CD83: variants seen among roughly 807,000 people sequenced by gnomAD.
CD83 encodes the protein CD83 molecule.
In CD83, 22 loss-of-function variants were observed where a neutral mutation model predicts 24.6. The observed-to-expected ratio is 0.90, with a 90% CI of 0.64 to 1.28. The LOEUF (loss-of-function observed/expected upper bound fraction) is 1.28, where lower values mean the gene tolerates loss of function less well. Ranked by LOEUF, CD83 falls within the 50% of genes most tolerant of loss-of-function variation. The probability of loss-of-function intolerance (pLI) is 0.00; values close to 1 mark genes in which losing one functional copy is unlikely to be tolerated. For missense variants in CD83, 253 were observed against 252.8 expected (o/e 1.00, Z -0.01); for synonymous variants, 101 against 103.5 (o/e 0.98, Z 0.14).
upstream of CD83, chr6:14,117,731 C>T (rs1165855567): frequency 9.4e-5 from 101 of 1,073,884 alleles, no homozygotes; most frequent in Non-Finnish European, 1.2e-4. The surrounding 1 kb of genome is among the most constrained non-coding windows in gnomAD (Gnocchi z 4.6). Context: ...GGGAAGTTCC[C>T]GAACGCGCGG....
At position 14,117,816 on chromosome 6, in the gene CD83, C is replaced by T. The variant is rs199812564; in HGVS notation, c.5C>T (p.Ser2Leu). The change falls in exon 1 of 5, where the codon TCG (serine) becomes TTG (leucine). Residue 2 changes from serine (S) to leucine (L), a missense_variant. Coordinates refer to ENST00000379153, the MANE Select transcript of CD83 (RefSeq NM_004233.4). The surrounding 1 kb of genome is among the most constrained non-coding windows in gnomAD (Gnocchi z 4.6). M[S>L]RGLQLLLLSC... is the part of the protein sequence containing the mutation. ...CAGCGGCGCAGCGCTCCAGCCATGTCGCGCGGCCTCCAGCTTCTGCTCCTG... is the reference window on the plus strand; with the variant it reads ...CAGCGGCGCAGCGCTCCAGCCATGTTGCGCGGCCTCCAGCTTCTGCTCCTG... The T allele has an allele frequency of 2.6e-5, 40 of 1,560,628 alleles. No homozygotes were observed. The African/African-American group carries it at 3.5e-4, about 14-fold the overall frequency.
rs58361945 is a variant in CD83, at chr6:14,129,833, C to CTG, written c.154-1657_154-1656dup. ...GAATTAATAAATGAAGCAGAAATGA[C>CTG]TGTGTGTGTGTGTGTGTGTGTGTGT... On this transcript the variant is annotated intron_variant, in intron 2 of 4. Coordinates refer to ENST00000379153, the MANE Select transcript of CD83 (RefSeq NM_004233.4). The surrounding 1 kb of genome is among the most constrained non-coding windows in gnomAD (Gnocchi z 4.3). 0.26 allele frequency among the ~76,000 whole-genome samples: 38,306 copies of CTG among 147,624 alleles called. 5,547 individuals carry two copies. Among genetic ancestry groups the CTG allele is most frequent in the Non-Finnish European group, 0.35 (23,347 of 66,508 alleles).
intron 2 of CD83, among the ~76,000 whole-genome samples, chr6:14,119,102 A>G (rs2113384357): frequency 6.6e-6 from 1 of 152,258 alleles, no homozygotes; most frequent in South Asian, 2.1e-4. Flanking sequence ...GTGTCTCCTA[A>G]CTGGATGGTC....
intron 2 of CD83, among the ~76,000 whole-genome samples, chr6:14,125,589 C>T (rs1424490798): frequency 6.6e-6 from 1 of 152,164 alleles, no homozygotes; most frequent in African/African-American, 2.4e-5. Context: ...GGTACCAGGC[C>T]TGAGTTAAGT....
chr6:14,132,939 G>C (rs1385531023), intron 3 of CD83, among the ~76,000 whole-genome samples: 3 of 152,228 alleles, frequency 2.0e-5, no homozygotes, highest in Non-Finnish European at 4.4e-5. Context: ...TTGCACCTGA[G>C]TGGGGAGAGG....
At chr6:14,120,409 A>G (rs532169814) in intron 2 of CD83, among the ~76,000 whole-genome samples, 3 of 152,230 alleles carry the variant, frequency 2.0e-5, no homozygotes, top group Admixed American at 1.3e-4. Context: ...AATGTTAAGC[A>G]TCTGGTCATT....
chr6:14,118,104 C>G, intron 2 of CD83, 39 bp downstream of exon 2: 1 of 1,465,796 alleles, frequency 6.8e-7, no homozygotes, highest in Non-Finnish European at 9.3e-7. Context: ...GTTTGGTGGG[C>G]TCATTTGAAG....
chr6:14,117,690 C>CCCG (rs1246949101), upstream of CD83: 6 of 675,532 alleles, frequency 8.9e-6, no homozygotes, highest in Admixed American at 4.3e-5. This position sits in a 1 kb window ranked among gnomAD's most constrained non-coding sequence, Gnocchi z 4.6. Context: ...GCTTCCGCTG[C>CCCG]CCGCCGGGGA....
At position 14,136,887 on chromosome 6, in the gene CD83, C is replaced by T. The variant is rs1033484886; in HGVS notation, c.*1651C>T. The stretch of plus-strand genomic sequence containing the variant: ...AAAACATATACAAATAAAAAAATCC[C>T]GACTTTGGGATGAGTGCTAGGATGT... On this transcript the variant is annotated 3_prime_UTR_variant, in exon 5 of 5. Transcript: ENST00000379153. 19 of 151,672 alleles carry T rather than the reference C, an allele frequency of 1.3e-4. No homozygotes were observed. Among genetic ancestry groups the T allele is most frequent in the African/African-American group, 3.4e-4 (14 of 41,336 alleles). 9.4% of individuals were successfully genotyped at this position (151,672 alleles called of 1,614,324 possible).
At chr6:14,122,516 T>C (rs1007934278) in intron 2 of CD83, among the ~76,000 whole-genome samples, 4 of 152,190 alleles carry the variant, frequency 2.6e-5, no homozygotes, top group Non-Finnish European at 1.5e-5. Flanking sequence ...CTTACTGTGC[T>C]TCCTTGATTC....
intron 4 of CD83, among the ~76,000 whole-genome samples, chr6:14,134,410 G>A (rs1295012270): frequency 6.6e-6 from 1 of 152,206 alleles, no homozygotes; most frequent in Non-Finnish European, 1.5e-5. Context: ...CACCTGTGTT[G>A]ATGATGGTTG....
intron 2 of CD83, among the ~76,000 whole-genome samples, chr6:14,119,670 CTT>C (rs1759626855): frequency 6.6e-6 from 1 of 152,150 alleles, no homozygotes; most frequent in Admixed American, 6.5e-5. Context: ...CCCTTAATAA[CTT>C]AAGATAAAGA....
At position 14,135,106 on chromosome 6, in the gene CD83, A is replaced by C; in HGVS notation, c.490-2A>C. On this transcript the variant is annotated splice_acceptor_variant, in intron 4 of 4. Transcript: ENST00000379153. LOFTEE classifies it high-confidence loss of function. ...CTTCACATTTCTTTCATTTCTTTTTAGAAGTTTGCACGGCTACAGAGTATC... is the reference window on the plus strand; with the variant it reads ...CTTCACATTTCTTTCATTTCTTTTTCGAAGTTTGCACGGCTACAGAGTATC... 6.2e-7 allele frequency: 1 copy of C among 1,613,290 alleles called. No individual in the cohort carries two copies. Among genetic ancestry groups the C allele is most frequent in the Non-Finnish European group, 8.5e-7 (1 of 1,179,756 alleles).
intron 4 of CD83, 120 bp downstream of exon 4, chr6:14,133,875 C>T (rs1243955620): frequency 3.1e-6 from 2 of 650,586 alleles, no homozygotes; most frequent in Non-Finnish European, 5.1e-6. Context: ...TCTTTGAACC[C>T]TGGACTTTTT....
upstream of CD83, chr6:14,117,687 CTGCCCGCCGGGGAA>C (rs1185977152): frequency 1.5e-6 from 1 of 657,740 alleles, no homozygotes. The surrounding 1 kb of genome is among the most constrained non-coding windows in gnomAD (Gnocchi z 4.6). Context: ...CCCGCTTCCG[CTGCCCGCCGGGGAA>C]TCCCCCGGGC....
In CD83 at chr6:14,136,886, C is replaced by A. The variant is rs1305206572; in HGVS notation, c.*1650C>A. Reference sequence around the variant, plus strand: ...AAAAACATATACAAATAAAAAAATCCCGACTTTGGGATGAGTGCTAGGATG... The same window carrying A: ...AAAAACATATACAAATAAAAAAATCACGACTTTGGGATGAGTGCTAGGATG... On this transcript the variant is annotated 3_prime_UTR_variant, in exon 5 of 5. Coordinates refer to ENST00000379153, the MANE Select transcript of CD83 (RefSeq NM_004233.4). 1 of 151,608 alleles carries A rather than the reference C, an allele frequency of 6.6e-6. No individual in the cohort carries two copies. The highest frequency in any genetic ancestry group is 2.4e-5 in the African/African-American group (1 of 41,216). 9.4% of individuals were successfully genotyped at this position (151,608 alleles called of 1,614,324 possible).
rs550980145 is a variant in CD83, at chr6:14,136,095, C to T, written c.*859C>T. ...GGTGCTCGCCCACTTGTCCCACTATCTGGGTGCATGATCTTGAGCAAGTTC... is the reference window on the plus strand; with the variant it reads ...GGTGCTCGCCCACTTGTCCCACTATTTGGGTGCATGATCTTGAGCAAGTTC... On this transcript the variant is annotated 3_prime_UTR_variant, in exon 5 of 5. Coordinates refer to ENST00000379153, the MANE Select transcript of CD83 (RefSeq NM_004233.4). 31 of 152,244 alleles carry T rather than the reference C, an allele frequency of 2.0e-4. No homozygotes were observed. The highest frequency in any genetic ancestry group is 4.0e-4 in the Non-Finnish European group (27 of 68,084). 9.4% of individuals were successfully genotyped at this position (152,244 alleles called of 1,614,324 possible). A position where few individuals can be genotyped will look rare whatever the true frequency, so the allele number is the denominator to read the frequency against.
Position 14,135,871 on chromosome 6 carries a change from C to T in CD83, c.*635C>T, listed in dbSNP as rs1380460141. 1 of 152,178 alleles carries T rather than the reference C, an allele frequency of 6.6e-6. No homozygotes were observed. The highest frequency in any genetic ancestry group is 1.5e-5 in the Non-Finnish European group (1 of 68,034). The allele number at this position is 152,178 out of a possible 1,614,324, so 9.4% of individuals were successfully genotyped here. On this transcript the variant is annotated 3_prime_UTR_variant, in exon 5 of 5. Transcript: ENST00000379153. ...ATAAAGAAGCAATAAAGAAGAGTGC[C>T]ACATTTATTTTTATATCTATATGTA...
chr6:14,118,146 C>A, intron 2 of CD83, 81 bp downstream of exon 2: 1 of 1,005,172 alleles, frequency 9.9e-7, no homozygotes, highest in Non-Finnish European at 1.4e-6. Context: ...AGGCTGGCGA[C>A]CCTCTGTGGC....
Sources: gnomAD v4.1 joint callset for allele counts (sites outside exome capture counted in the v4.1 genomes callset) on GRCh38, gnomAD v4.1.1 for gene constraint, Gnocchi (gnomAD v3.1) non-coding constraint, MANE v1.5 for transcripts, NCBI Gene and HGNC (gene_info 2026-07-23, HGNC 2026-07-21) for gene names.